SHPRH: variants seen among roughly 807,000 people sequenced by gnomAD.
The protein encoded by SHPRH is SNF2 histone linker PHD RING helicase.
In SHPRH, 106 loss-of-function variants were observed where a neutral mutation model predicts 202.5. The observed-to-expected ratio is 0.52, with a 90% CI of 0.45 to 0.62. The LOEUF (loss-of-function observed/expected upper bound fraction) is 0.62, where lower values mean the gene tolerates loss of function less well. Ranked by LOEUF, SHPRH falls within the 20% of genes least tolerant of loss-of-function variation. The pLI, the probability that SHPRH is intolerant of heterozygous loss-of-function variation, is 0.00. For missense variants in SHPRH, 1,710 were observed against 2,020.0 expected (o/e 0.85, Z 2.94); for synonymous variants, 729 against 686.0 (o/e 1.06, Z -0.98).
At chr6:145,945,272 T>G in intron 8 of SHPRH, 109 bp downstream of exon 8, 1 of 1,316,524 alleles carries the variant, frequency 7.6e-7, no homozygotes, top group South Asian at 1.7e-5. Flanking sequence ...TTCCTATTTT[T>G]TTATCTTCAG....
At chr6:145,918,732 T>C (rs1784164803) in intron 22 of SHPRH, 1 of 152,690 alleles carries the variant, frequency 6.5e-6, no homozygotes, top group South Asian at 2.1e-4. Context: ...TGAGATAGTA[T>C]ATAATGAATA....
At chr6:145,929,107 T>G (rs576128346) in intron 14 of SHPRH, among the ~76,000 whole-genome samples, 2 of 152,078 alleles carry the variant, frequency 1.3e-5, no homozygotes, top group South Asian at 4.2e-4. Flanking sequence ...TTTTATCTAT[T>G]CGTTATAATA....
At chr6:145,866,857 C>T (rs951389717) in intron 2 of SHPRH, among the ~76,000 whole-genome samples, 1 of 152,148 alleles carries the variant, frequency 6.6e-6, no homozygotes, top group Non-Finnish European at 1.5e-5. Flanking sequence ...TTGTCTAGTA[C>T]ACAATCACTT....
chr6:145,911,181 G>A (rs1434986472), intron 24 of SHPRH, among the ~76,000 whole-genome samples: 4 of 152,072 alleles, frequency 2.6e-5, no homozygotes, highest in African/African-American at 9.7e-5. Context: ...AGACTGGAGT[G>A]CAAATGATGC....
rs75990319 is a variant in SHPRH at position 145,938,567 on chromosome 6, T to C, written c.2569+2156A>G. Among the ~76,000 whole-genome samples the C allele has an allele frequency of 2.4e-3, 363 of 152,276 alleles. 5 individuals carry two copies. In the East Asian group the frequency reaches 0.036, roughly 15 times the overall value. On this transcript the variant is annotated intron_variant, in intron 11 of 29. Coordinates refer to ENST00000275233, the MANE Select transcript of SHPRH (RefSeq NM_001042683.3). Reference sequence around the variant, plus strand: ...ACATTAAAATAAATAAATGACTACATAAATGGAAAATAAAAACAACAAAAG... The same window carrying C: ...ACATTAAAATAAATAAATGACTACACAAATGGAAAATAAAAACAACAAAAG...
intron 28 of SHPRH, among the ~76,000 whole-genome samples, chr6:145,889,322 A>G (rs1225534083): frequency 6.6e-6 from 1 of 152,204 alleles, no homozygotes; most frequent in Non-Finnish European, 1.5e-5. Context: ...AAAATCAACC[A>G]GACAGGTTGA....
At chr6:145,886,998 T>A (rs1213997606) in intron 29 of SHPRH, among the ~76,000 whole-genome samples, 2 of 152,144 alleles carry the variant, frequency 1.3e-5, no homozygotes, top group Non-Finnish European at 2.9e-5. Flanking sequence ...TGTCAAAGTG[T>A]TTTTTCTCTG....
chr6:145,889,313 A>G (rs1326787032), intron 28 of SHPRH, among the ~76,000 whole-genome samples: 3 of 152,190 alleles, frequency 2.0e-5, no homozygotes, highest in African/African-American at 4.8e-5. Flanking sequence ...GGTGGGGAGA[A>G]AATCAACCAG....
At chr6:145,916,783 C>T (rs1231138969) in intron 23 of SHPRH, among the ~76,000 whole-genome samples, 1 of 151,752 alleles carries the variant, frequency 6.6e-6, no homozygotes, top group Non-Finnish European at 1.5e-5. Flanking sequence ...GACATTTTTC[C>T]TGTTATCTTT....
chr6:145,909,966 G>C (rs1173188417), intron 25 of SHPRH: 1 of 152,184 alleles, frequency 6.6e-6, no homozygotes, highest in East Asian at 1.9e-4. Flanking sequence ...CTTTATCCTG[G>C]AATATCAATC....
downstream of SHPRH, chr6:145,883,690 G>A (rs1234869921): frequency 6.6e-6 from 1 of 152,220 alleles, no homozygotes; most frequent in East Asian, 1.9e-4. Flanking sequence ...TTACTGACTA[G>A]ATGTCATTTA....
chr6:145,882,756 G>A (rs544930700), downstream of SHPRH, among the ~76,000 whole-genome samples: 3 of 152,278 alleles, frequency 2.0e-5, no homozygotes, highest in African/African-American at 7.2e-5. Context: ...AAGAATTAGG[G>A]ACATGATGCA....
intron 24 of SHPRH, among the ~76,000 whole-genome samples, chr6:145,911,390 T>G (rs1225629705): frequency 6.6e-6 from 1 of 152,084 alleles, no homozygotes; most frequent in East Asian, 1.9e-4. Flanking sequence ...CACTTCGGCC[T>G]GGGATTACAG....
At chr6:145,956,188 A>T (rs1232224360) in intron 1 of SHPRH, among the ~76,000 whole-genome samples, 2 of 152,188 alleles carry the variant, frequency 1.3e-5, no homozygotes, top group Non-Finnish European at 2.9e-5. Context: ...AATGTTAAGG[A>T]GTCAAACATG....
At chr6:145,953,634 TAAAC>T (rs928388496) in intron 2 of SHPRH, among the ~76,000 whole-genome samples, 2 of 152,144 alleles carry the variant, frequency 1.3e-5, no homozygotes, top group Admixed American at 6.5e-5. Context: ...AGTTTTCAGT[TAAAC>T]AACATGAAAT....
chr6:145,896,858 G>A (rs1326795614), intron 25 of SHPRH, among the ~76,000 whole-genome samples: 1 of 151,882 alleles, frequency 6.6e-6, no homozygotes. Context: ...AATGAAAATG[G>A]AAATACAACA....
chr6:145,880,326 A>G (rs1010083208), downstream of SHPRH, among the ~76,000 whole-genome samples: 1 of 152,118 alleles, frequency 6.6e-6, no homozygotes, highest in African/African-American at 2.4e-5. Flanking sequence ...CATAACTGCC[A>G]ATTTTAAGAT....
At chr6:145,870,438 A>G (rs1780007767) in intron 2 of SHPRH, among the ~76,000 whole-genome samples, 1 of 151,298 alleles carries the variant, frequency 6.6e-6, no homozygotes, top group South Asian at 2.1e-4. Flanking sequence ...ATTTTTTTGT[A>G]TTTTTAGTAG....
In SHPRH at chr6:145,941,669, C is replaced by T; in HGVS notation, c.2444G>A (p.Arg815Lys). 6.2e-7 allele frequency: 1 copy of T among 1,614,038 alleles called. No individual in the cohort carries two copies. Among genetic ancestry groups the T allele is most frequent in the Non-Finnish European group, 8.5e-7 (1 of 1,179,944 alleles). Residue 815 changes from arginine to lysine, a missense_variant, in exon 10 of 30, where the codon AGG (arginine) becomes AAG (lysine). Physicochemically the swap from Arg to Lys is conservative, Grantham distance 26. Coordinates refer to ENST00000275233, the MANE Select transcript of SHPRH (RefSeq NM_001042683.3). ...PSPLVAVEWWRICLDEAQMVE... is the reference protein window; with the variant it reads ...PSPLVAVEWWKICLDEAQMVE... ...CATCTGAGCTTCATCAAGGCAGATC[C>T]TCCACCACTCCACAGCTACCAGGGG...
Sources: allele counts gnomAD v4.1 joint callset (sites outside exome capture counted in the v4.1 genomes callset), GRCh38; gene constraint gnomAD v4.1.1; transcripts MANE v1.5; gene names NCBI Gene and HGNC (gene_info 2026-07-23, HGNC 2026-07-21).